The following RNLS variants were observed in gnomAD, a reference collection of about 807,000 sequenced individuals.
RNLS encodes renalase, FAD dependent amine oxidase, also known as renalase.
RNLS carries 39 observed loss-of-function variants against 39.8 expected under a neutral mutation model. The ratio of observed to expected loss-of-function variants is 0.98; its 90% confidence interval spans 0.76 to 1.28. RNLS has a LOEUF of 1.28. RNLS is among the 50% of genes most tolerant of loss of function. The probability of loss-of-function intolerance (pLI) is 0.00; values close to 1 mark genes in which losing one functional copy is unlikely to be tolerated. For synonymous variants in RNLS, 147 were observed against 150.7 expected (o/e 0.98, Z 0.18); for missense variants, 410 against 413.3 (o/e 0.99, Z 0.07).
In RNLS at chr10:88,533,916, TTGCTAA is replaced by T. The variant is rs79490322; in HGVS notation, c.526+38981_526+38986del. The stretch of plus-strand genomic sequence containing the variant: ...ACGGAAAGCCTTGGGGTAGATGAAA[TTGCTAA>T]TGAAGGGAGCAACGAAAACGAAGGT... On this transcript the variant is annotated intron_variant, in intron 4 of 6. Transcript: ENST00000331772. Among the ~76,000 whole-genome samples, 24 of 152,046 alleles carry T rather than the reference TTGCTAA, an allele frequency of 1.6e-4. 1 individual carries two copies. The East Asian group carries it at 4.6e-3, about 29-fold the overall frequency.
At position 88,437,423 on chromosome 10, in the gene RNLS, T is replaced by G. The variant is rs531449005; in HGVS notation, c.527-74698A>C. The stretch of plus-strand genomic sequence containing the variant: ...TACAATTTATTTTAGAACCAAGATA[T>G]TTATCTTATAATAAGAATTATTACA... On this transcript the variant is annotated intron_variant, in intron 4 of 6. Transcript: ENST00000331772. 9.2e-5 allele frequency among the ~76,000 whole-genome samples: 14 copies of G among 152,290 alleles called. No individual in the cohort carries two copies. The East Asian group carries it at 2.7e-3, about 29-fold the overall frequency.
At chr10:88,464,102 A>G (rs1219087532) in intron 4 of RNLS, among the ~76,000 whole-genome samples, 1 of 152,072 alleles carries the variant, frequency 6.6e-6, no homozygotes, top group Non-Finnish European at 1.5e-5. Context: ...ATTTTCAAAT[A>G]GCTATTAGCT....
intron 4 of RNLS, among the ~76,000 whole-genome samples, chr10:88,469,427 T>C (rs930099245): frequency 2.6e-5 from 4 of 152,148 alleles, no homozygotes; most frequent in African/African-American, 9.7e-5. Flanking sequence ...GAAATATCTT[T>C]GGATAGAGAG....
At chr10:88,429,616 CTA>C (rs201076485) in intron 4 of RNLS, among the ~76,000 whole-genome samples, 9,226 of 151,772 alleles carry the variant, frequency 0.061, 400 homozygotes, top group African/African-American at 0.12. Flanking sequence ...GATTTATTTT[CTA>C]TGTTTTCTTT....
chr10:88,246,584 G>A, the RNLS span, among the ~76,000 whole-genome samples: 1 of 151,864 alleles, frequency 6.6e-6, no homozygotes, highest in African/African-American at 2.4e-5. Context: ...TGTAATGTAG[G>A]TAATATAACA....
At chr10:88,534,667 A>T (rs1311978967) in intron 4 of RNLS, among the ~76,000 whole-genome samples, 1 of 152,142 alleles carries the variant, frequency 6.6e-6, no homozygotes, top group East Asian at 1.9e-4. Context: ...AAAAGATAAC[A>T]GTATAGTTCC....
intron 3 of RNLS, among the ~76,000 whole-genome samples, chr10:88,574,049 G>A (rs927331589): frequency 3.9e-5 from 6 of 152,212 alleles, no homozygotes; most frequent in South Asian, 2.1e-4. Flanking sequence ...GCTAAGACAC[G>A]AGAATCGCTT....
At chr10:88,386,696 T>C (rs151213578) in intron 4 of RNLS, among the ~76,000 whole-genome samples, 2 of 152,280 alleles carry the variant, frequency 1.3e-5, no homozygotes, top group Admixed American at 6.5e-5. Context: ...CCATGTTACT[T>C]AGTTTCCATA....
intron 1 of RNLS, among the ~76,000 whole-genome samples, chr10:88,582,839 G>GGCCCCCACCCTC (rs573949788): frequency 5.1e-4 from 78 of 152,286 alleles, no homozygotes; most frequent in Middle Eastern, 3.4e-3. Context: ...ACTCCTGCCG[G>GGCCCCCACCCTC]GCCCCCACCC....
At chr10:88,462,304 T>A (rs1707560443) in intron 4 of RNLS, among the ~76,000 whole-genome samples, 1 of 152,080 alleles carries the variant, frequency 6.6e-6, no homozygotes, top group South Asian at 2.1e-4. Flanking sequence ...AATAATCACA[T>A]CAGGGTAAAT....
intron 5 of RNLS, among the ~76,000 whole-genome samples, chr10:88,315,527 G>A (rs1363368245): frequency 2.0e-5 from 3 of 152,110 alleles, no homozygotes; most frequent in Non-Finnish European, 4.4e-5. Context: ...ATGAAAATTG[G>A]AACCTCCCCC....
At chr10:88,379,692 T>A (rs532723106) in intron 4 of RNLS, among the ~76,000 whole-genome samples, 7 of 152,320 alleles carry the variant, frequency 4.6e-5, no homozygotes, top group African/African-American at 9.6e-5. Flanking sequence ...CCCTTGAAAC[T>A]AAGAGGGTCT....
At chr10:88,253,658 A>G in the RNLS span, among the ~76,000 whole-genome samples, 10 of 152,186 alleles carry the variant, frequency 6.6e-5, no homozygotes, top group African/African-American at 2.4e-4. Flanking sequence ...CCTGGAATTT[A>G]CTGAGATTCT....
At chr10:88,433,889 G>A (rs1855289685) in intron 4 of RNLS, among the ~76,000 whole-genome samples, 1 of 152,010 alleles carries the variant, frequency 6.6e-6, no homozygotes, top group Admixed American at 6.6e-5. Flanking sequence ...TTTCATCCCA[G>A]GCTTGCTATT....
chr10:88,459,494 A>G (rs1434216475), intron 4 of RNLS, among the ~76,000 whole-genome samples: 1 of 152,194 alleles, frequency 6.6e-6, no homozygotes, highest in Non-Finnish European at 1.5e-5. Flanking sequence ...GTATTGTACC[A>G]TTGCAGAAAG....
intron 4 of RNLS, among the ~76,000 whole-genome samples, chr10:88,503,484 A>G (rs1484460601): frequency 6.6e-6 from 1 of 152,162 alleles, no homozygotes; most frequent in South Asian, 2.1e-4. Flanking sequence ...AACTACTCAA[A>G]TTTTTTTAAT....
intron 4 of RNLS, among the ~76,000 whole-genome samples, chr10:88,548,287 A>G (rs1268340138): frequency 1.0e-4 from 14 of 134,332 alleles, no homozygotes; most frequent in Non-Finnish European, 1.9e-4. Context: ...AAAAAAAAAA[A>G]AAAAAAGAAA....
the RNLS span, among the ~76,000 whole-genome samples, chr10:88,221,572 G>C: frequency 6.6e-6 from 1 of 152,316 alleles, no homozygotes; most frequent in East Asian, 1.9e-4. Flanking sequence ...TAAGCATAAT[G>C]TAATTTTCTT....
At chr10:88,214,510 A>AC in the RNLS span, among the ~76,000 whole-genome samples, 1 of 150,664 alleles carries the variant, frequency 6.6e-6, no homozygotes, top group African/African-American at 2.4e-5. Context: ...AAAAAAAAAA[A>AC]AAAAAAAAAA....
Sources: gnomAD v4.1 joint callset for allele counts (sites outside exome capture counted in the v4.1 genomes callset) on GRCh38, gnomAD v4.1.1 for gene constraint, MANE v1.5 for transcripts, NCBI Gene and HGNC (gene_info 2026-07-23, HGNC 2026-07-21) for gene names.